MYH11: variants seen among roughly 807,000 people sequenced by gnomAD.
MYH11 encodes myosin-11.
Under a neutral mutation model 246.6 loss-of-function variants are expected in MYH11, and 80 were observed. That is an observed-to-expected ratio of 0.32 (90% confidence interval 0.27 to 0.39). MYH11 has a LOEUF of 0.39. Among genes scored for constraint, MYH11 ranks in the 10% least tolerant of loss-of-function variants. The pLI, the probability that MYH11 is intolerant of heterozygous loss-of-function variation, is 1.00. For missense variants in MYH11, 2,158 were observed against 2,546.8 expected (o/e 0.85, Z 3.29); for synonymous variants, 1,071 against 1,015.5 (o/e 1.05, Z -1.04).
intron 26 of MYH11, among the ~76,000 whole-genome samples, chr16:15,733,708 A>G (rs1596750602): frequency 1.3e-5 from 2 of 150,332 alleles, no homozygotes; most frequent in Non-Finnish European, 3.0e-5. Context: ...ACGCCCGGCT[A>G]ATTTTTGTCT....
At chr16:15,754,071 G>C (rs1038771000) in intron 14 of MYH11, among the ~76,000 whole-genome samples, 3 of 145,954 alleles carry the variant, frequency 2.1e-5, no homozygotes, top group African/African-American at 7.5e-5. Flanking sequence ...AAAAAAATTA[G>C]CCAGGCATGG....
chr16:15,719,502 C>T, intron 35 of MYH11, 83 bp downstream of exon 35: 2 of 1,601,566 alleles, frequency 1.2e-6, no homozygotes, highest in Middle Eastern at 2.1e-4. Context: ...GAAATGAAAT[C>T]TGGGAATGCA....
At chr16:15,808,206 G>T (rs1109419) in intron 3 of MYH11, among the ~76,000 whole-genome samples, 27,390 of 152,028 alleles carry the variant, frequency 0.18, 2,521 homozygotes, top group Middle Eastern at 0.23. Context: ...TGACTGTGAA[G>T]GTGGCCACTG....
chr16:15,716,201 G>A (rs72772017), intron 38 of MYH11, among the ~76,000 whole-genome samples: 2,743 of 152,192 alleles, frequency 0.018, 27 homozygotes, highest in Non-Finnish European at 0.028. Flanking sequence ...CCAAAGTGCC[G>A]GGATTATGGG....
intron 5 of MYH11, chr16:15,786,246 C>T (rs1032919855): frequency 4.0e-5 from 15 of 373,842 alleles, no homozygotes; most frequent in East Asian, 6.8e-5. Context: ...CGGCATCTGG[C>T]GGGTCGAGGC....
At chr16:15,797,887 A>T (rs1567182491) in intron 4 of MYH11, among the ~76,000 whole-genome samples, 1 of 151,700 alleles carries the variant, frequency 6.6e-6, no homozygotes, top group Non-Finnish European at 1.5e-5. Context: ...GCTTTTTGTT[A>T]GTTATTTTGC....
chr16:15,717,399 G>C lies in MYH11; in HGVS notation c.5296-51C>G, dbSNP rs376998025. ...GGCGGACTCAGGGAAGCCCAAGAGAGCGCACTGAGACCATGCCTCTTCCTG... is the reference window on the plus strand; with the variant it reads ...GGCGGACTCAGGGAAGCCCAAGAGACCGCACTGAGACCATGCCTCTTCCTG... On this transcript the variant is annotated intron_variant, in intron 37 of 40. Transcript: ENST00000300036. 4 of 1,584,592 alleles carry C rather than the reference G, an allele frequency of 2.5e-6. No individual in the cohort carries two copies. The African/African-American group carries it at 5.4e-5, about 21-fold the overall frequency.
Position 15,720,976 on chromosome 16 carries a change from C to T in MYH11, c.4654G>A (p.Glu1552Lys), listed in dbSNP as rs2040440320. The stretch of plus-strand genomic sequence containing the variant: ...TCCTCCGTGGCTTGCAGCTCGTCCT[C>T]CAGCTCTTCCAGCTGCGTCTTCATC... ...EEMKTQLEEL[E>K]DELQATEDAK... The change falls in exon 33 of 41, where the codon GAG becomes AAG. Residue 1552 changes from glutamate (E) to lysine (K), a missense_variant. Transcript: ENST00000300036. 1 of 1,614,018 alleles carries T rather than the reference C, an allele frequency of 6.2e-7. No individual in the cohort carries two copies. The highest frequency in any genetic ancestry group is 8.5e-7 in the Non-Finnish European group (1 of 1,180,040).
At chr16:15,718,494 C>G (rs573046773) in intron 36 of MYH11, 56 bp from the exon 37 acceptor site, 1 of 1,534,414 alleles carries the variant, frequency 6.5e-7, no homozygotes, top group East Asian at 2.4e-5. Flanking sequence ...TTAAAAGATG[C>G]CCCCTCCTTG....
At chr16:15,848,228 CTTTTTTTT>C (rs71134473) in intron 1 of MYH11, among the ~76,000 whole-genome samples, 4 of 104,380 alleles carry the variant, frequency 3.8e-5, no homozygotes, top group Non-Finnish European at 5.9e-5. Flanking sequence ...GTTGCTAAGT[CTTTTTTTT>C]TTTTTTTTTT....
intron 6 of MYH11, among the ~76,000 whole-genome samples, chr16:15,780,474 C>CT (rs71134460): frequency 0.37 from 25,480 of 68,776 alleles, 7,636 homozygotes; most frequent in African/African-American, 0.44. Context: ...GATTTTTACG[C>CT]TTTTTTTTTT....
Position 15,812,403 on chromosome 16 carries a change from A to G in MYH11, c.502+10852T>C, listed in dbSNP as rs376715669. 2.5e-4 allele frequency among the ~76,000 whole-genome samples: 38 copies of G among 152,064 alleles called. No individual in the cohort carries two copies. The South Asian group carries it at 7.9e-3, about 32-fold the overall frequency. On this transcript the variant is annotated intron_variant, in intron 3 of 40. Coordinates refer to ENST00000300036, the MANE Select transcript of MYH11 (RefSeq NM_002474.3). The stretch of plus-strand genomic sequence containing the variant: ...AGTTGCCATTTCATAAGCACCACGA[A>G]GATAAACATCATGGGAAAAATAGCA...
chr16:15,731,713 G>A (rs775890215), intron 27 of MYH11, among the ~76,000 whole-genome samples: 8 of 151,732 alleles, frequency 5.3e-5, no homozygotes, highest in Middle Eastern at 3.2e-3. Flanking sequence ...GGCTGGTCTC[G>A]AACTCCTGAG....
chr16:15,842,355 A>G (rs867720447), intron 1 of MYH11, among the ~76,000 whole-genome samples: 1 of 151,080 alleles, frequency 6.6e-6, no homozygotes, highest in East Asian at 2.0e-4. Context: ...CTCTCACCGC[A>G]CTCCAGCCTG....
intron 1 of MYH11, among the ~76,000 whole-genome samples, chr16:15,844,229 T>G (rs2044130648): frequency 6.6e-6 from 1 of 152,152 alleles, no homozygotes; most frequent in Non-Finnish European, 1.5e-5. Context: ...TGAGAGACTA[T>G]GCTCTGTCGC....
At chr16:15,739,405 G>A (rs1182936655) in intron 23 of MYH11, among the ~76,000 whole-genome samples, 4 of 151,700 alleles carry the variant, frequency 2.6e-5, no homozygotes, top group Non-Finnish European at 2.9e-5. Flanking sequence ...CCGGCCTGCC[G>A]CACTCTTAAA....
intron 4 of MYH11, chr16:15,792,503 A>G (rs2042633984): frequency 6.6e-6 from 1 of 152,210 alleles, no homozygotes; most frequent in East Asian, 1.9e-4. Flanking sequence ...AAAAGGTCAG[A>G]CAGTAAATAT....
intron 24 of MYH11, among the ~76,000 whole-genome samples, chr16:15,737,941 C>A (rs35710156): frequency 4.6e-5 from 7 of 151,914 alleles, no homozygotes; most frequent in South Asian, 4.2e-4. Context: ...TACAGGCGCC[C>A]GCCACCACGC....
In MYH11 at chr16:15,730,988, C is replaced by T. The variant is rs117519996; in HGVS notation, c.3651+1576G>A. ...GAAATCAAATAATGACAAGTTTCCT[C>T]CAGTCTTTTTTTTTTTTACAAAAGA... On this transcript the variant is annotated intron_variant, in intron 27 of 40. Coordinates refer to ENST00000300036, the MANE Select transcript of MYH11 (RefSeq NM_002474.3). Among the ~76,000 whole-genome samples, 541 of 152,182 alleles carry T rather than the reference C, an allele frequency of 3.6e-3. 4 individuals are homozygous for T. Among genetic ancestry groups the T allele is most frequent in the Admixed American group, 0.019 (292 of 15,280 alleles).
Sources: gnomAD v4.1 joint callset for allele counts (sites outside exome capture counted in the v4.1 genomes callset) on GRCh38, gnomAD v4.1.1 for gene constraint, MANE v1.5 for transcripts, NCBI Gene and HGNC (gene_info 2026-07-23, HGNC 2026-07-21) for gene names.